GPD1L: variants seen among roughly 807,000 people sequenced by gnomAD.
The protein encoded by GPD1L is glycerol-3-phosphate dehydrogenase 1 like.
Under a neutral mutation model 32.9 loss-of-function variants are expected in GPD1L, and 17 were observed. The observed-to-expected ratio is 0.52, with a 90% confidence interval of 0.35 to 0.78. GPD1L has a LOEUF of 0.78. GPD1L is among the 30% of genes least tolerant of loss of function. The pLI, the probability that GPD1L is intolerant of heterozygous loss-of-function variation, is 0.01. For missense variants in GPD1L, 361 were observed against 447.8 expected (o/e 0.81, Z 1.75); for synonymous variants, 187 against 165.9 (o/e 1.13, Z -0.98).
rs1559570496 is a variant in GPD1L, at chr3:32,121,535, ATG to A, written c.48-6539_48-6538del. ...TATATTTCTCTCTATATATATTTCT[ATG>A]TATATATTTCTATATATATATTTCT... On this transcript the variant is annotated intron_variant, in intron 1 of 7. Transcript: ENST00000282541. Among the ~76,000 whole-genome samples the A allele has an allele frequency of 3.5e-4, 28 of 79,938 alleles. 3 individuals are homozygous for A. The highest frequency in any genetic ancestry group is 2.0e-3 in the African/African-American group (27 of 13,280). The allele number at this position is 79,938 out of a possible 152,430, so 52.4% of individuals were successfully genotyped here.
chr3:32,127,232 G>A (rs560349744), intron 1 of GPD1L, among the ~76,000 whole-genome samples: 97 of 152,226 alleles, frequency 6.4e-4, no homozygotes, highest in African/African-American at 2.0e-3. Flanking sequence ...TCTTTACTGC[G>A]TTCTCTCATT....
chr3:32,151,076 A>G, intron 5 of GPD1L: 1 of 350,564 alleles, frequency 2.9e-6, no homozygotes, highest in Non-Finnish European at 5.7e-6. Flanking sequence ...CCTATTTTTC[A>G]CACCTATTAT....
At chr3:32,114,055 A>G (rs998342327) in intron 1 of GPD1L, among the ~76,000 whole-genome samples, 1 of 152,138 alleles carries the variant, frequency 6.6e-6, no homozygotes, top group Non-Finnish European at 1.5e-5. Context: ...GGGTCTCACT[A>G]TGTTGCCCAA....
chr3:32,135,362 C>A (rs1700648394), intron 2 of GPD1L, among the ~76,000 whole-genome samples: 1 of 152,180 alleles, frequency 6.6e-6, no homozygotes, highest in African/African-American at 2.4e-5. Flanking sequence ...GGGACACAGG[C>A]AAACACATGA....
intron 5 of GPD1L, among the ~76,000 whole-genome samples, chr3:32,154,105 A>G (rs1700955982): frequency 6.6e-6 from 1 of 151,974 alleles, no homozygotes; most frequent in African/African-American, 2.4e-5. Context: ...TTTTCTTTTG[A>G]CAATGGTAAG....
intron 1 of GPD1L, among the ~76,000 whole-genome samples, chr3:32,111,841 A>G (rs1439737748): frequency 6.6e-6 from 1 of 151,604 alleles, no homozygotes; most frequent in East Asian, 1.9e-4. Context: ...GTCTGCTGGA[A>G]CTGGCTGGGT....
At chr3:32,136,868 G>A (rs926893476) in intron 2 of GPD1L, among the ~76,000 whole-genome samples, 14 of 152,170 alleles carry the variant, frequency 9.2e-5, no homozygotes, top group African/African-American at 3.1e-4. Flanking sequence ...AAGAGAAAGT[G>A]TAGAGGAGGC....
intron 1 of GPD1L, among the ~76,000 whole-genome samples, chr3:32,110,504 A>G (rs890107030): frequency 3.3e-5 from 5 of 152,268 alleles, no homozygotes; most frequent in Non-Finnish European, 7.3e-5. Context: ...GAACTCTCAC[A>G]TGGAGTGCCT....
At chr3:32,149,913 C>T (rs1700887510) in intron 5 of GPD1L, among the ~76,000 whole-genome samples, 1 of 150,396 alleles carries the variant, frequency 6.6e-6, no homozygotes, top group South Asian at 2.1e-4. Context: ...CGTGCCACTG[C>T]ACTCCAGCCT....
At chr3:32,114,848 G>A (rs1193406585) in intron 1 of GPD1L, among the ~76,000 whole-genome samples, 2 of 152,212 alleles carry the variant, frequency 1.3e-5, no homozygotes, top group African/African-American at 2.4e-5. Context: ...CCCAGTGAGT[G>A]TTACAGCTCT....
intron 1 of GPD1L, among the ~76,000 whole-genome samples, chr3:32,126,207 A>C (rs183340831): frequency 2.0e-5 from 3 of 152,216 alleles, no homozygotes; most frequent in Non-Finnish European, 2.9e-5. Context: ...TAAATTAAAT[A>C]AATAAATAAA....
At position 32,159,070 on chromosome 3, in the gene GPD1L, G is replaced by T. The variant is rs35464343; in HGVS notation, c.813G>T (p.Arg271=). 1.9e-4 allele frequency: 314 copies of T among 1,613,810 alleles called. No homozygotes were observed. The African/African-American group carries it at 3.8e-3, about 20-fold the overall frequency. The change falls in exon 6 of 8, where the codon CGG becomes CGT. Residue 271 remains arginine (R), a synonymous_variant. Coordinates refer to ENST00000282541, the MANE Select transcript of GPD1L (RefSeq NM_015141.4). ...TGATCACCACCTGTTACGGAGGGCG[G>T]AACCGCAGGGTGGCCGAGGCCTTCG... The part of the protein sequence containing the change: ...ADLITTCYGG[R]NRRVAEAFAR...
chr3:32,154,564 T>C (rs977820070), intron 5 of GPD1L, among the ~76,000 whole-genome samples: 1 of 152,116 alleles, frequency 6.6e-6, no homozygotes, highest in African/African-American at 2.4e-5. Flanking sequence ...AGCAGCACGG[T>C]GTGGCGTGAT....
chr3:32,147,163 A>C (rs921958906), intron 5 of GPD1L, among the ~76,000 whole-genome samples: 2 of 152,124 alleles, frequency 1.3e-5, no homozygotes, highest in African/African-American at 2.4e-5. Context: ...GGGAAAAAAT[A>C]ATCTGCTGCT....
In GPD1L at chr3:32,158,848, C is replaced by T. The variant is rs534799892; in HGVS notation, c.619-28C>T. ...ATACCCGTGGTGGGTGCTGTAACGG[C>T]ATCTGGGCTTTGTCATCTCCTTTGC... is the stretch of plus-strand genomic sequence containing the variant. On this transcript the variant is annotated intron_variant, in intron 5 of 7. Coordinates refer to ENST00000282541, the MANE Select transcript of GPD1L (RefSeq NM_015141.4). 4.1e-4 allele frequency: 663 copies of T among 1,609,928 alleles called. 7 individuals carry two copies. The South Asian group carries it at 7.1e-3, about 17-fold the overall frequency.
intron 5 of GPD1L, among the ~76,000 whole-genome samples, chr3:32,156,948 A>AC (rs11391544): frequency 0.51 from 77,491 of 151,904 alleles, 21,002 homozygotes; most frequent in African/African-American, 0.69. Flanking sequence ...CTGTACAGTC[A>AC]CAGGTATTAC....
Position 32,109,885 on chromosome 3 carries a change from T to C in GPD1L, c.47+3127T>C, listed in dbSNP as rs139213455. Among the ~76,000 whole-genome samples the C allele has an allele frequency of 5.7e-3, 868 of 152,384 alleles. 9 individuals are homozygous for C. The highest frequency in any genetic ancestry group is 0.02 in the African/African-American group (828 of 41,594). On this transcript the variant is annotated intron_variant, in intron 1 of 7. Transcript: ENST00000282541. Reference sequence around the variant, plus strand: ...CAAGTGGAATGGAGTAACTGCTCTGTTACACTTTAAATCGTGTTTCTTTTT... The same window carrying C: ...CAAGTGGAATGGAGTAACTGCTCTGCTACACTTTAAATCGTGTTTCTTTTT...
chr3:32,124,774 A>G (rs1481467731), intron 1 of GPD1L, among the ~76,000 whole-genome samples: 9 of 152,076 alleles, frequency 5.9e-5, no homozygotes. Flanking sequence ...AAAACTTTTT[A>G]AAAAATTAGC....
intron 2 of GPD1L, among the ~76,000 whole-genome samples, chr3:32,137,794 A>G (rs541231262): frequency 1.3e-5 from 2 of 152,326 alleles, no homozygotes; most frequent in East Asian, 1.9e-4. Flanking sequence ...TGTTGAGTGT[A>G]TATCAAGTCC....
Sources: gnomAD v4.1 joint callset for allele counts (sites outside exome capture counted in the v4.1 genomes callset) on GRCh38, gnomAD v4.1.1 for gene constraint, MANE v1.5 for transcripts, NCBI Gene and HGNC (gene_info 2026-07-23, HGNC 2026-07-21) for gene names.